The following CDH8 variants were observed in gnomAD, a reference collection of about 807,000 sequenced individuals.
CDH8 encodes the protein cadherin 8, also known as cadherin-8.
In CDH8, 17 loss-of-function variants were observed where a neutral mutation model predicts 68.1. The ratio of observed to expected loss-of-function variants is 0.25; its 90% CI spans 0.17 to 0.37. The LOEUF (loss-of-function observed/expected upper bound fraction) is 0.37. Among genes scored for constraint, CDH8 ranks in the 10% least tolerant of loss-of-function variants. The probability of loss-of-function intolerance (pLI) is 1.00; values close to 1 mark genes in which losing one functional copy is unlikely to be tolerated. For missense variants in CDH8, 763 were observed against 999.3 expected (o/e 0.76, Z 3.19); for synonymous variants, 372 against 365.1 (o/e 1.02, Z -0.21).
At chr16:61,945,112 C>G (rs1324711001) in intron 2 of CDH8, among the ~76,000 whole-genome samples, 1 of 152,134 alleles carries the variant, frequency 6.6e-6, no homozygotes, top group African/African-American at 2.4e-5. Context: ...GAGTCTGACA[C>G]TCCTGAGTTT....
chr16:61,653,259 C>A lies in CDH8; in HGVS notation c.*349G>T, dbSNP rs1324011750. The A allele has an allele frequency of 1.8e-5, 21 of 1,167,592 alleles. No homozygotes were observed. The highest frequency in any genetic ancestry group is 2.2e-5 in the Non-Finnish European group (21 of 949,742). 72.3% of individuals were successfully genotyped at this position (1,167,592 alleles called of 1,614,324 possible). ...TCCTTGCAGGTCCGTATTTTTTTTT[C>A]TAAGAAAGCACCTTTTAATTATGAT... On this transcript the variant is annotated 3_prime_UTR_variant, in exon 12 of 12. Transcript: ENST00000577390.
At chr16:61,941,680 G>A (rs1210283644) in intron 2 of CDH8, among the ~76,000 whole-genome samples, 2 of 152,194 alleles carry the variant, frequency 1.3e-5, no homozygotes, top group Non-Finnish European at 2.9e-5. Flanking sequence ...AACCTCAGGT[G>A]ATCCACCCCC....
intron 3 of CDH8, among the ~76,000 whole-genome samples, chr16:61,879,523 G>T (rs543933621): frequency 2.6e-5 from 4 of 152,248 alleles, no homozygotes; most frequent in Admixed American, 2.6e-4. Context: ...CTTCAACACT[G>T]GGTTCCATGA....
intron 8 of CDH8, among the ~76,000 whole-genome samples, chr16:61,783,587 C>T (rs1193225121): frequency 3.7e-4 from 55 of 150,040 alleles, no homozygotes; most frequent in Middle Eastern, 3.4e-3. Flanking sequence ...ATACAGAGAA[C>T]GCCACAAAGA....
rs141630459 is a variant in CDH8, at chr16:61,977,621, G to C, written c.252+43531C>G. On this transcript the variant is annotated intron_variant, in intron 2 of 11. Coordinates refer to ENST00000577390, the MANE Select transcript of CDH8 (RefSeq NM_001796.5). ...TACACCTCGGGAGAAAGATCTTCTA[G>C]AATCCCCATGAGAGATTTGGGGAGG... is the stretch of plus-strand genomic sequence containing the variant. Among the ~76,000 whole-genome samples, 677 of 152,198 alleles carry C rather than the reference G, an allele frequency of 4.4e-3. 4 individuals carry two copies. Among genetic ancestry groups the C allele is most frequent in the African/African-American group, 0.015 (636 of 41,544 alleles).
chr16:61,855,282 GTTAA>G (rs1412523669), intron 4 of CDH8, among the ~76,000 whole-genome samples: 3 of 152,142 alleles, frequency 2.0e-5, no homozygotes, highest in African/African-American at 7.2e-5. Context: ...GCTGACAACA[GTTAA>G]TTAAACAAAT....
chr16:61,876,989 A>G (rs1963474645), intron 3 of CDH8, among the ~76,000 whole-genome samples: 1 of 152,156 alleles, frequency 6.6e-6, no homozygotes, highest in South Asian at 2.1e-4. Flanking sequence ...GGGAACAAAG[A>G]TATACAATAC....
intron 2 of CDH8, among the ~76,000 whole-genome samples, chr16:61,948,528 A>T (rs1340131974): frequency 6.6e-6 from 1 of 152,184 alleles, no homozygotes; most frequent in Non-Finnish European, 1.5e-5. Context: ...CCCTACTCAA[A>T]GGTTAACTGT....
chr16:61,871,832 A>C (rs1241282523), intron 3 of CDH8, among the ~76,000 whole-genome samples: 1 of 148,056 alleles, frequency 6.8e-6, no homozygotes, highest in African/African-American at 2.5e-5. Flanking sequence ...AAAAAAAAAA[A>C]AAAAAAAAAA....
In CDH8 at chr16:61,756,214, C is replaced by G. The variant is rs566043850; in HGVS notation, c.1415-28999G>C. 8.2e-4 allele frequency among the ~76,000 whole-genome samples: 125 copies of G among 152,148 alleles called. No individual in the cohort carries two copies. In the Middle Eastern group the frequency reaches 0.01, roughly 12 times the overall value. ...GTGTCTTTAAAATATATAATACAAGCAAGATTTTCTTGTACATTTTCTGTC... is the reference window on the plus strand; with the variant it reads ...GTGTCTTTAAAATATATAATACAAGGAAGATTTTCTTGTACATTTTCTGTC... On this transcript the variant is annotated intron_variant, in intron 8 of 11. Transcript: ENST00000577390.
At chr16:61,762,967 C>T (rs1405451210) in intron 8 of CDH8, among the ~76,000 whole-genome samples, 1 of 152,140 alleles carries the variant, frequency 6.6e-6, no homozygotes, top group Non-Finnish European at 1.5e-5. Context: ...CTATTATATG[C>T]AGTCCATCAA....
At chr16:61,676,383 T>C (rs1303332972) in intron 10 of CDH8, among the ~76,000 whole-genome samples, 1 of 151,900 alleles carries the variant, frequency 6.6e-6, no homozygotes, top group South Asian at 2.1e-4. Flanking sequence ...ATCATAATAA[T>C]GAAAAGGTCA....
At chr16:61,704,859 A>C (rs1227983857) in intron 10 of CDH8, among the ~76,000 whole-genome samples, 1 of 152,166 alleles carries the variant, frequency 6.6e-6, no homozygotes, top group Non-Finnish European at 1.5e-5. Context: ...ACTGAGTTCC[A>C]GGGAGAAGTA....
At chr16:61,875,610 G>A (rs186166808) in intron 3 of CDH8, among the ~76,000 whole-genome samples, 1 of 152,280 alleles carries the variant, frequency 6.6e-6, no homozygotes, top group East Asian at 1.9e-4. Flanking sequence ...AGTGAGGTAA[G>A]ATAATTACAA....
At chr16:61,844,194 C>A (rs1320618938) in intron 4 of CDH8, among the ~76,000 whole-genome samples, 1 of 146,394 alleles carries the variant, frequency 6.8e-6, no homozygotes, top group Non-Finnish European at 1.5e-5. Context: ...ACAAACACTG[C>A]ATGTTCTCAC....
intron 3 of CDH8, among the ~76,000 whole-genome samples, chr16:61,893,244 G>A (rs1204488159): frequency 1.3e-5 from 2 of 151,930 alleles, no homozygotes; most frequent in Admixed American, 6.6e-5. Context: ...TTTTTAGATC[G>A]ACACCGATCA....
Position 61,653,077 on chromosome 16 carries a change from T to C in CDH8, c.*531A>G. Reference sequence around the variant, plus strand: ...TATGTACAATGTGTGGTCACCGTACTGTATAATCTAGGAGGCCTCTCAAAA... The same window carrying C: ...TATGTACAATGTGTGGTCACCGTACCGTATAATCTAGGAGGCCTCTCAAAA... On this transcript the variant is annotated 3_prime_UTR_variant, in exon 12 of 12. Transcript: ENST00000577390. 7.7e-7 allele frequency: 1 copy of C among 1,295,966 alleles called. No homozygotes were observed. The allele number at this position is 1,295,966 out of a possible 1,614,324, so 80.3% of individuals were successfully genotyped here. A position where few individuals can be genotyped will look rare whatever the true frequency, so the allele number is the denominator to read the frequency against.
intron 10 of CDH8, among the ~76,000 whole-genome samples, chr16:61,663,960 T>G (rs541697481): frequency 6.6e-6 from 1 of 152,110 alleles, no homozygotes; most frequent in African/African-American, 2.4e-5. Context: ...CATTAGAGAT[T>G]TGAGTTTCTT....
chr16:61,680,830 C>A (rs1440698325), intron 10 of CDH8, among the ~76,000 whole-genome samples: 7 of 151,770 alleles, frequency 4.6e-5, no homozygotes, highest in Non-Finnish European at 8.8e-5. Context: ...GCACCTAAGA[C>A]AAAGCTGTAT....
Sources: gnomAD v4.1 joint callset for allele counts (sites outside exome capture counted in the v4.1 genomes callset) on GRCh38, gnomAD v4.1.1 for gene constraint, MANE v1.5 for transcripts, NCBI Gene and HGNC (gene_info 2026-07-23, HGNC 2026-07-21) for gene names.